HIVEP2: variants seen among roughly 807,000 people sequenced by gnomAD.
The protein encoded by HIVEP2 is HIVEP zinc finger 2.
In HIVEP2, 14 loss-of-function variants were observed where a neutral mutation model predicts 180.7. The ratio of observed to expected loss-of-function variants is 0.08; its 90% CI spans 0.05 to 0.12. HIVEP2 has a LOEUF of 0.12. HIVEP2 is among the 10% of genes least tolerant of loss of function. The probability of loss-of-function intolerance (pLI) is 1.00; values close to 1 mark genes in which losing one functional copy is unlikely to be tolerated. For synonymous variants in HIVEP2, 1,184 were observed against 1,136.4 expected (o/e 1.04, Z -0.84); for missense variants, 2,579 against 3,008.5 (o/e 0.86, Z 3.34).
At chr6:142,796,306 C>A (rs1188592733) in intron 2 of HIVEP2, among the ~76,000 whole-genome samples, 1 of 152,050 alleles carries the variant, frequency 6.6e-6, no homozygotes, top group African/African-American at 2.4e-5. Flanking sequence ...TACCCTGGAC[C>A]GAGCAGTTGA....
At chr6:142,812,870 C>T (rs1468973123) in intron 2 of HIVEP2, among the ~76,000 whole-genome samples, 2 of 152,048 alleles carry the variant, frequency 1.3e-5, no homozygotes, top group African/African-American at 2.4e-5. Context: ...GCAGATAATA[C>T]ATTATTGAAG....
intron 2 of HIVEP2, among the ~76,000 whole-genome samples, chr6:142,787,340 A>G (rs1163355536): frequency 6.6e-6 from 1 of 152,148 alleles, no homozygotes; most frequent in East Asian, 1.9e-4. Context: ...GAAACAAGAT[A>G]TGATAGTTTT....
chr6:142,929,019 C>T (rs752001345), intron 1 of HIVEP2, among the ~76,000 whole-genome samples: 1 of 152,204 alleles, frequency 6.6e-6, no homozygotes, highest in Non-Finnish European at 1.5e-5. Context: ...TAGTGGATAT[C>T]TGTTTCCTGA....
At chr6:142,933,940 T>C (rs1777994164) in intron 1 of HIVEP2, among the ~76,000 whole-genome samples, 1 of 152,204 alleles carries the variant, frequency 6.6e-6, no homozygotes, top group Non-Finnish European at 1.5e-5. Context: ...TTCCTTTTGT[T>C]TGAATGTGGG....
At chr6:142,785,183 C>T (rs1248538246) in intron 2 of HIVEP2, among the ~76,000 whole-genome samples, 1 of 151,750 alleles carries the variant, frequency 6.6e-6, no homozygotes, top group Admixed American at 6.6e-5. Flanking sequence ...GCCACCGTGC[C>T]CGGCCAACTA....
intron 2 of HIVEP2, among the ~76,000 whole-genome samples, chr6:142,802,603 C>T (rs182632211): frequency 6.6e-6 from 1 of 151,988 alleles, no homozygotes; most frequent in Non-Finnish European, 1.5e-5. Flanking sequence ...TCACTGTTTG[C>T]CCTTCTATTC....
intron 2 of HIVEP2, among the ~76,000 whole-genome samples, chr6:142,795,643 A>G (rs1776261491): frequency 2.0e-5 from 3 of 152,192 alleles, no homozygotes. Flanking sequence ...GAGTCTTTCA[A>G]CAGGTAACTA....
chr6:142,768,582 C>T (rs1775433877), intron 5 of HIVEP2, 46 bp from the exon 6 acceptor site: 2 of 1,590,774 alleles, frequency 1.3e-6, no homozygotes, highest in Non-Finnish European at 8.6e-7. Flanking sequence ...TTCTCCAAGA[C>T]ACAGGAGCCC....
chr6:142,834,799 C>T (rs982306093), intron 2 of HIVEP2, among the ~76,000 whole-genome samples: 1 of 151,818 alleles, frequency 6.6e-6, no homozygotes, highest in African/African-American at 2.4e-5. Context: ...GAGTTGGGCA[C>T]ATTTTTAAAA....
intron 9 of HIVEP2, among the ~76,000 whole-genome samples, chr6:142,754,499 GTTCCTCCAATGTGT>G (rs1425576517): frequency 6.6e-6 from 1 of 152,072 alleles, no homozygotes; most frequent in Non-Finnish European, 1.5e-5. Context: ...CCACAAACTG[GTTCCTCCAATGTGT>G]AAGACATTGG....
chr6:142,915,053 T>A (rs935010966), intron 1 of HIVEP2, among the ~76,000 whole-genome samples: 5 of 152,186 alleles, frequency 3.3e-5, no homozygotes, highest in Admixed American at 1.3e-4. Context: ...AAACACTTAA[T>A]TTGAACCTCA....
At chr6:142,789,971 A>G (rs1435368217) in intron 2 of HIVEP2, among the ~76,000 whole-genome samples, 1 of 152,188 alleles carries the variant, frequency 6.6e-6, no homozygotes, top group Non-Finnish European at 1.5e-5. Context: ...AAGATAATCA[A>G]TTTCCATAAG....
intron 2 of HIVEP2, among the ~76,000 whole-genome samples, chr6:142,834,329 A>G (rs1241809514): frequency 6.6e-6 from 1 of 152,202 alleles, no homozygotes; most frequent in Non-Finnish European, 1.5e-5. Context: ...CCTAATTTAA[A>G]GTAAGACTTC....
intron 1 of HIVEP2, among the ~76,000 whole-genome samples, chr6:142,857,121 T>C (rs774740407): frequency 6.6e-5 from 10 of 151,976 alleles, no homozygotes; most frequent in South Asian, 2.1e-4. Flanking sequence ...TTTAAAATCA[T>C]GACTTCACTG....
chr6:142,819,354 G>T (rs923242649), intron 2 of HIVEP2, among the ~76,000 whole-genome samples: 15 of 152,176 alleles, frequency 9.9e-5, no homozygotes, highest in African/African-American at 3.6e-4. Flanking sequence ...GGGGAAAAGA[G>T]TCAGGAGCTT....
chr6:142,838,927 C>A (rs1004902482), intron 1 of HIVEP2, among the ~76,000 whole-genome samples: 1 of 152,128 alleles, frequency 6.6e-6, no homozygotes, highest in African/African-American at 2.4e-5. Flanking sequence ...ATTGCAGCAA[C>A]TATGCTCTCA....
chr6:142,875,939 T>C (rs1776423269), intron 1 of HIVEP2, among the ~76,000 whole-genome samples: 1 of 152,174 alleles, frequency 6.6e-6, no homozygotes, highest in Non-Finnish European at 1.5e-5. Context: ...TTGATGATAT[T>C]CTAAACCATG....
chr6:142,912,578 G>A (rs184603387), intron 1 of HIVEP2, among the ~76,000 whole-genome samples: 34 of 152,324 alleles, frequency 2.2e-4, no homozygotes, highest in Admixed American at 8.5e-4. Flanking sequence ...GAACCGCGTC[G>A]CACAGCACCA....
chr6:142,777,669 A>G (rs1775738188), intron 3 of HIVEP2, among the ~76,000 whole-genome samples: 1 of 147,688 alleles, frequency 6.8e-6, no homozygotes, highest in African/African-American at 2.5e-5. Context: ...AAAAAAAAAA[A>G]AAAAAAAAAA....
Sources: gnomAD v4.1 joint callset for allele counts (sites outside exome capture counted in the v4.1 genomes callset) on GRCh38, gnomAD v4.1.1 for gene constraint, MANE v1.5 for transcripts, NCBI Gene and HGNC (gene_info 2026-07-23, HGNC 2026-07-21) for gene names.